SUCLG1: variants seen among roughly 807,000 people sequenced by gnomAD.
The protein encoded by SUCLG1 is succinate-CoA ligase GDP/ADP-forming subunit alpha.
SUCLG1 carries 26 observed loss-of-function variants against 37.3 expected under a neutral mutation model. The ratio of observed to expected loss-of-function variants is 0.70; its 90% confidence interval spans 0.51 to 0.97. The LOEUF (loss-of-function observed/expected upper bound fraction) is 0.97, where lower values mean the gene tolerates loss of function less well. SUCLG1 is among the 50% of genes least tolerant of loss of function. The pLI is 0.00. For missense variants in SUCLG1, 433 were observed against 432.9 expected (o/e 1.00, Z 0.00); for synonymous variants, 163 against 155.6 (o/e 1.05, Z -0.36).
In SUCLG1 at chr2:84,443,367, C is replaced by T. The variant is rs747509276; in HGVS notation, c.235G>A (p.Gly79Ser). 1 of 1,614,126 alleles carries T rather than the reference C, an allele frequency of 6.2e-7. No homozygotes were observed. The highest frequency in any genetic ancestry group is 8.5e-7 in the Non-Finnish European group (1 of 1,179,994). ...TFHSQQALEYGTKLVGGTTPG... is the reference protein window; with the variant it reads ...TFHSQQALEYSTKLVGGTTPG... The stretch of plus-strand genomic sequence containing the variant: ...GTGGTTCCTCCAACGAGTTTGGTGC[C>T]ATATTCCAATGCCTGCTGGCTGTGA... The change falls in exon 3 of 9, where the codon GGC becomes AGC. Residue 79 changes from glycine (G) to serine (S), a missense_variant. Transcript: ENST00000393868.
chr2:84,449,817 A>G, intron 1 of SUCLG1, 65 bp from the exon 2 acceptor site: 3 of 1,314,426 alleles, frequency 2.3e-6, no homozygotes, highest in Non-Finnish European at 3.2e-6. Context: ...AAACTTTTGA[A>G]CAATAATTCA....
intron 1 of SUCLG1, 78 bp downstream of exon 1, chr2:84,459,095 G>A: frequency 7.0e-7 from 1 of 1,426,130 alleles, no homozygotes. Context: ...GGGCCCAGCC[G>A]CGGCCTGGGC....
At chr2:84,450,190 T>C (rs1053128580) in intron 1 of SUCLG1, among the ~76,000 whole-genome samples, 4 of 152,114 alleles carry the variant, frequency 2.6e-5, no homozygotes, top group Non-Finnish European at 5.9e-5. Flanking sequence ...TACCTTTAAA[T>C]AGGTAAGCTA....
intron 5 of SUCLG1, among the ~76,000 whole-genome samples, chr2:84,436,707 C>T (rs1672691575): frequency 6.6e-6 from 1 of 152,220 alleles, no homozygotes; most frequent in South Asian, 2.1e-4. Context: ...ATCCTGACCA[C>T]ACACTGATTC....
At chr2:84,428,964 T>C (rs903449906) in intron 7 of SUCLG1, among the ~76,000 whole-genome samples, 1 of 152,182 alleles carries the variant, frequency 6.6e-6, no homozygotes, top group Non-Finnish European at 1.5e-5. Flanking sequence ...CCTGTACCAG[T>C]TTTCTCATTC....
Position 84,441,351 on chromosome 2 carries a change from T to C in SUCLG1, c.427A>G (p.Ile143Val), listed in dbSNP as rs781403752. The C allele has an allele frequency of 6.2e-7, 1 of 1,614,162 alleles. No individual in the cohort carries two copies. The highest frequency in any genetic ancestry group is 8.5e-7 in the Non-Finnish European group (1 of 1,180,028). The change falls in exon 4 of 9, where the codon ATC (isoleucine) becomes GTC (valine). Residue 143 changes from isoleucine (I) to valine (V), a missense_variant. Transcript: ENST00000393868. ...TCCTGCTGGGGAATTCCTTCAGTGA[T>C]ACACACAACCAAGGGAATTTCTGCC... The part of the protein sequence containing the change: ...IEAEIPLVVC[I>V]TEGIPQQDMV...
At position 84,425,610 on chromosome 2, in the gene SUCLG1, AG is replaced by A. The variant is rs1176620455; in HGVS notation, c.826-8del. On this transcript the variant is annotated splice_polypyrimidine_tract_variant and splice_region_variant and intron_variant, in intron 7 of 8. Coordinates refer to ENST00000393868, the MANE Select transcript of SUCLG1 (RefSeq NM_003849.4). Reference sequence around the variant, plus strand: ...CAGGCTTGGAATTTGGACCCTAGAAAGAAAGTAATATTTTAAATGCTCTAAT... The same window carrying A: ...CAGGCTTGGAATTTGGACCCTAGAAAAAAGTAATATTTTAAATGCTCTAAT... 13 of 1,614,060 alleles carry A rather than the reference AG, an allele frequency of 8.1e-6. No homozygotes were observed. Among genetic ancestry groups the A allele is most frequent in the Admixed American group, 5.0e-5 (3 of 59,998 alleles).
chr2:84,441,104 G>A lies in SUCLG1; in HGVS notation c.532C>T (p.Pro178Ser), dbSNP rs772243831. ...ATGATGCCAATTTTACATTCTCCAG[G>A]CTGAAAGTAATCATAGTTTTCAGAA... ...IGPNCPGVIN[P>S]GECKIGIMPG... The change falls in exon 5 of 9, where the codon CCT (proline) becomes TCT (serine). Residue 178 changes from proline (P) to serine (S), a missense_variant and splice_region_variant. Coordinates refer to ENST00000393868, the MANE Select transcript of SUCLG1 (RefSeq NM_003849.4). The A allele has an allele frequency of 1.9e-6, 3 of 1,613,862 alleles. No individual in the cohort carries two copies. The African/African-American group carries it at 4.0e-5, about 22-fold the overall frequency.
At chr2:84,445,430 C>T (rs370513699) in intron 2 of SUCLG1, among the ~76,000 whole-genome samples, 2 of 152,018 alleles carry the variant, frequency 1.3e-5, no homozygotes, top group African/African-American at 4.8e-5. Flanking sequence ...GACACATACA[C>T]CCCACATATC....
intron 1 of SUCLG1, among the ~76,000 whole-genome samples, chr2:84,456,752 C>G (rs775187541): frequency 1.3e-5 from 2 of 152,160 alleles, no homozygotes; most frequent in Non-Finnish European, 2.9e-5. Flanking sequence ...CAAGCTCCAC[C>G]TCCCGGGTTC....
At chr2:84,437,568 T>A (rs2104249719) in intron 5 of SUCLG1, among the ~76,000 whole-genome samples, 1 of 152,340 alleles carries the variant, frequency 6.6e-6, no homozygotes, top group South Asian at 2.1e-4. Context: ...GTAGAGAAAC[T>A]GGATCATACA....
intron 7 of SUCLG1, among the ~76,000 whole-genome samples, chr2:84,427,883 G>T: frequency 6.6e-6 from 1 of 152,110 alleles, no homozygotes; most frequent in East Asian, 1.9e-4. Flanking sequence ...TTAATAATTT[G>T]CATTGCTTCA....
At chr2:84,455,611 G>A (rs550942474) in intron 1 of SUCLG1, among the ~76,000 whole-genome samples, 8 of 152,002 alleles carry the variant, frequency 5.3e-5, no homozygotes, top group South Asian at 2.1e-4. Flanking sequence ...TGAGGTGGGC[G>A]GATCACAATG....
chr2:84,455,494 C>CAA (rs5832611), intron 1 of SUCLG1, among the ~76,000 whole-genome samples: 7,986 of 151,264 alleles, frequency 0.053, 466 homozygotes, highest in African/African-American at 0.14. Flanking sequence ...AACTCTGTCT[C>CAA]AAAAAAAACA....
intron 2 of SUCLG1, among the ~76,000 whole-genome samples, chr2:84,444,845 C>T (rs888553720): frequency 6.6e-6 from 1 of 152,164 alleles, no homozygotes; most frequent in East Asian, 1.9e-4. Flanking sequence ...AGATATTTCT[C>T]CCATTTGCTT....
In SUCLG1 at chr2:84,425,611, GA is replaced by G. The variant is rs1407335016; in HGVS notation, c.826-9del. On this transcript the variant is annotated splice_polypyrimidine_tract_variant and intron_variant, in intron 7 of 8. Transcript: ENST00000393868. ...AGGCTTGGAATTTGGACCCTAGAAAGAAAGTAATATTTTAAATGCTCTAATG... is the reference window on the plus strand; with the variant it reads ...AGGCTTGGAATTTGGACCCTAGAAAGAAGTAATATTTTAAATGCTCTAATG... The G allele has an allele frequency of 2.5e-6, 4 of 1,613,972 alleles. No homozygotes were observed. In the African/African-American group the frequency reaches 5.3e-5, roughly 22 times the overall value.
chr2:84,455,234 A>G (rs1284265351), intron 1 of SUCLG1, among the ~76,000 whole-genome samples: 1 of 152,210 alleles, frequency 6.6e-6, no homozygotes, highest in African/African-American at 2.4e-5. Flanking sequence ...AAGAAGTACT[A>G]TTAATTACTG....
chr2:84,439,461 G>A (rs1018167514), intron 5 of SUCLG1, among the ~76,000 whole-genome samples: 2 of 152,104 alleles, frequency 1.3e-5, no homozygotes, highest in African/African-American at 4.8e-5. Flanking sequence ...ATATGTACAA[G>A]AGCATCAGTG....
At chr2:84,433,274 A>T in intron 6 of SUCLG1, 78 bp downstream of exon 6, 1 of 1,228,310 alleles carries the variant, frequency 8.1e-7, no homozygotes, top group South Asian at 1.3e-5. Context: ...TGCAAATAAT[A>T]AAATCAATAA....
Sources: allele counts gnomAD v4.1 joint callset (sites outside exome capture counted in the v4.1 genomes callset), GRCh38; gene constraint gnomAD v4.1.1; transcripts MANE v1.5; gene names NCBI Gene and HGNC (gene_info 2026-07-23, HGNC 2026-07-21).